Variants in AKNA observed in about 807,000 individuals in gnomAD.
The protein encoded by AKNA is microtubule organization protein AKNA.
AKNA carries 67 observed loss-of-function variants against 138.8 expected under a neutral mutation model. That is an observed-to-expected ratio of 0.48 (90% CI 0.40 to 0.59). The LOEUF (loss-of-function observed/expected upper bound fraction) is 0.59. Ranked by LOEUF, AKNA falls within the 20% of genes least tolerant of loss-of-function variation. The pLI is 0.00. For synonymous variants in AKNA, 737 were observed against 754.4 expected, an observed-to-expected ratio of 0.98 and a Z score of 0.38; for missense variants, 1,813 against 1,880.4, an observed-to-expected ratio of 0.96 and a Z score of 0.66.
intron 2 of AKNA, among the ~76,000 whole-genome samples, chr9:114,380,412 GT>G (rs1833551780): frequency 6.6e-6 from 1 of 152,094 alleles, no homozygotes; most frequent in Non-Finnish European, 1.5e-5. Flanking sequence ...CATCTATTAA[GT>G]TAACCAAAAA....
intron 1 of AKNA, among the ~76,000 whole-genome samples, chr9:114,384,237 T>C (rs763732472): frequency 5.3e-5 from 8 of 152,134 alleles, no homozygotes; most frequent in Admixed American, 2.0e-4. Flanking sequence ...ATTACATGTA[T>C]TGGAAAGAGT....
At chr9:114,345,695 G>T (rs1391441478) in intron 18 of AKNA, 168 bp downstream of exon 18, 2 of 579,900 alleles carry the variant, frequency 3.4e-6, no homozygotes, top group Non-Finnish European at 5.9e-6. Context: ...ATGAACAAGT[G>T]CACCGAGATT....
chr9:114,393,219 T>C (rs1242689630), intron 1 of AKNA, among the ~76,000 whole-genome samples: 11 of 150,374 alleles, frequency 7.3e-5, no homozygotes, highest in South Asian at 6.4e-4. Context: ...TAATCTTTTT[T>C]TTTTTTTTTT....
chr9:114,338,892 C>T (rs1830159774), intron 21 of AKNA, among the ~76,000 whole-genome samples: 1 of 152,120 alleles, frequency 6.6e-6, no homozygotes, highest in Admixed American at 6.5e-5. Context: ...CTGGGCCCGA[C>T]TCTCCCCACA....
chr9:114,374,871 T>C (rs936449896), intron 3 of AKNA, among the ~76,000 whole-genome samples: 1 of 152,156 alleles, frequency 6.6e-6, no homozygotes, highest in African/African-American at 2.4e-5. Flanking sequence ...GCCCTTCCCA[T>C]AGGAACAAGA....
upstream of AKNA, among the ~76,000 whole-genome samples, chr9:114,395,620 G>A (rs1414000696): frequency 2.6e-5 from 4 of 151,374 alleles, no homozygotes; most frequent in East Asian, 3.9e-4. Context: ...GCAGTGGGGC[G>A]CAGGCCTTCT....
intron 15 of AKNA, among the ~76,000 whole-genome samples, chr9:114,350,406 C>T (rs750160223): frequency 3.3e-5 from 5 of 152,066 alleles, no homozygotes; most frequent in Non-Finnish European, 7.4e-5. Flanking sequence ...AGAGAACTGA[C>T]CAAGCGATTT....
intron 19 of AKNA, among the ~76,000 whole-genome samples, chr9:114,342,831 C>T (rs896159894): frequency 7.8e-5 from 11 of 141,488 alleles, no homozygotes; most frequent in East Asian, 4.5e-4. Context: ...TCCTTGGGGA[C>T]GGGGCCCAGG....
Position 114,362,459 on chromosome 9 carries a change from A to T in AKNA, c.1863T>A (p.Pro621=). 6.2e-7 allele frequency: 1 copy of T among 1,613,128 alleles called. No homozygotes were observed. The highest frequency in any genetic ancestry group is 8.5e-7 in the Non-Finnish European group (1 of 1,179,664). ...CCTTGGAGCCGGCAAGCGGCTGGGCAGGGTGTTGCTCCCGACAAGCCTTCA... is the reference window on the plus strand; with the variant it reads ...CCTTGGAGCCGGCAAGCGGCTGGGCTGGGTGTTGCTCCCGACAAGCCTTCA... The part of the protein sequence containing the change: ...EYLKACREQH[P]AQPLAGSKGT... Residue 621 remains proline (P), a synonymous_variant, in exon 8 of 22, where the codon CCT becomes CCA. Transcript: ENST00000374088.
intron 11 of AKNA, 179 bp downstream of exon 11, chr9:114,359,415 T>A (rs1831753613): frequency 1.6e-6 from 2 of 1,244,464 alleles, no homozygotes. Flanking sequence ...GAAAATCATG[T>A]CCCACACTAC....
chr9:114,381,655 GTTTTTTT>G (rs1160552279), intron 1 of AKNA, among the ~76,000 whole-genome samples: 4 of 82,858 alleles, frequency 4.8e-5, no homozygotes, highest in East Asian at 4.2e-4. Context: ...TCTCTCCAGG[GTTTTTTT>G]TTTTTTTTTT....
chr9:114,375,896 A>T, intron 3 of AKNA: 1 of 446,724 alleles, frequency 2.2e-6, no homozygotes, highest in South Asian at 1.6e-5. Flanking sequence ...TCAGGGCTCC[A>T]GGTACACCCT....
chr9:114,360,168 C>A (rs988946732), intron 9 of AKNA, 106 bp from the exon 10 acceptor site: 18 of 1,384,848 alleles, frequency 1.3e-5, no homozygotes, highest in Non-Finnish European at 1.7e-5. Context: ...GGGTAAGAAG[C>A]ACATTAGACT....
intron 1 of AKNA, among the ~76,000 whole-genome samples, chr9:114,383,435 A>T (rs1833826021): frequency 6.6e-6 from 1 of 152,184 alleles, no homozygotes; most frequent in Admixed American, 6.5e-5. Context: ...GCTCCCTGCC[A>T]TGGAGGGTTC....
At chr9:114,371,285 C>A (rs558271415) in intron 4 of AKNA, among the ~76,000 whole-genome samples, 1 of 152,240 alleles carries the variant, frequency 6.6e-6, no homozygotes, top group African/African-American at 2.4e-5. Flanking sequence ...AGCTAGGCTG[C>A]CGAGTTCCAA....
chr9:114,397,941 T>G (rs1834583720), upstream of AKNA, among the ~76,000 whole-genome samples: 2 of 152,170 alleles, frequency 1.3e-5, no homozygotes. Context: ...CTGCGCGGAT[T>G]GTTGCTGGGT....
intron 11 of AKNA, chr9:114,358,451 T>C: frequency 2.5e-6 from 1 of 397,288 alleles, no homozygotes. Context: ...GGAGTTTGCA[T>C]ACCACCTTCC....
At chr9:114,331,709 T>G (rs1424740120), downstream of AKNA, 1 of 1,593,380 alleles carries the variant, frequency 6.3e-7, no homozygotes, top group Non-Finnish European at 8.6e-7. Context: ...CTCATGCCCC[T>G]CTCAGGCCTC....
chr9:114,389,521 C>T (rs1230246609), upstream of AKNA, among the ~76,000 whole-genome samples: 1 of 152,110 alleles, frequency 6.6e-6, no homozygotes, highest in African/African-American at 2.4e-5. Flanking sequence ...CTCTAAGCCT[C>T]AGTTTCTTCA....
Sources: allele counts gnomAD v4.1 joint callset (sites outside exome capture counted in the v4.1 genomes callset), GRCh38; gene constraint gnomAD v4.1.1; transcripts MANE v1.5; gene names NCBI Gene and HGNC (gene_info 2026-07-23, HGNC 2026-07-21).